Variants in ADCY2 observed in about 807,000 individuals in gnomAD.
The protein encoded by ADCY2 is adenylate cyclase type 2.
ADCY2 carries 31 observed loss-of-function variants against 125.2 expected under a neutral mutation model. The ratio of observed to expected loss-of-function variants is 0.25; its 90% CI spans 0.19 to 0.33. ADCY2 has a LOEUF of 0.33. Among genes scored for constraint, ADCY2 ranks in the 10% least tolerant of loss-of-function variants. ADCY2 has a pLI of 1.00. For synonymous variants in ADCY2, 512 were observed against 548.4 expected (o/e 0.93, Z 0.93); for missense variants, 904 against 1,418.2 (o/e 0.64, Z 5.82).
chr5:7,622,310 G>A (rs1339205179), intron 3 of ADCY2, among the ~76,000 whole-genome samples: 1 of 152,190 alleles, frequency 6.6e-6, no homozygotes, highest in Admixed American at 6.5e-5. Context: ...ATTTGTAAAT[G>A]TGTGTCATTA....
intron 21 of ADCY2, among the ~76,000 whole-genome samples, chr5:7,803,963 T>C (rs185493213): frequency 2.9e-5 from 4 of 139,716 alleles, no homozygotes; most frequent in African/African-American, 9.2e-5. Flanking sequence ...CACACACACA[T>C]GTATATCGTA....
chr5:7,710,070 A>G (rs1211544544), intron 10 of ADCY2, among the ~76,000 whole-genome samples: 4 of 152,246 alleles, frequency 2.6e-5, no homozygotes, highest in Non-Finnish European at 5.9e-5. Flanking sequence ...ATGCAGTTAC[A>G]GCTTTTTAAA....
intron 24 of ADCY2, among the ~76,000 whole-genome samples, chr5:7,823,406 G>A (rs1745363995): frequency 1.3e-5 from 2 of 152,210 alleles, no homozygotes; most frequent in Non-Finnish European, 2.9e-5. Flanking sequence ...GGCTGGAGCT[G>A]TGGTCATCAT....
At chr5:7,822,274 T>G (rs1473731024) in intron 24 of ADCY2, among the ~76,000 whole-genome samples, 1 of 152,232 alleles carries the variant, frequency 6.6e-6, no homozygotes, top group Non-Finnish European at 1.5e-5. Flanking sequence ...AAATTTTGCT[T>G]AAACTGTGGT....
chr5:7,402,006 C>G (rs1036098977), intron 1 of ADCY2, among the ~76,000 whole-genome samples: 2 of 152,198 alleles, frequency 1.3e-5, no homozygotes, highest in Admixed American at 1.3e-4. Context: ...GTTGGGGGTG[C>G]AAGCACTGTG....
intron 14 of ADCY2, among the ~76,000 whole-genome samples, chr5:7,729,419 T>C (rs980983920): frequency 6.6e-6 from 1 of 152,092 alleles, no homozygotes; most frequent in African/African-American, 2.4e-5. Flanking sequence ...ATTTATTCAA[T>C]TTGATATCTT....
intron 2 of ADCY2, among the ~76,000 whole-genome samples, chr5:7,445,117 A>G (rs1446772637): frequency 2.0e-5 from 3 of 152,230 alleles, no homozygotes; most frequent in Non-Finnish European, 4.4e-5. Context: ...AAGTAGATCA[A>G]TCTTATAGTG....
intron 2 of ADCY2, among the ~76,000 whole-genome samples, chr5:7,461,876 T>C (rs373568327): frequency 6.6e-6 from 1 of 152,218 alleles, no homozygotes; most frequent in South Asian, 2.1e-4. Context: ...TCTGTTTAGA[T>C]CTCATATTTA....
At chr5:7,636,935 T>C (rs953531254) in intron 4 of ADCY2, among the ~76,000 whole-genome samples, 1 of 152,198 alleles carries the variant, frequency 6.6e-6, no homozygotes, top group Non-Finnish European at 1.5e-5. Flanking sequence ...TTCTGATGTA[T>C]GTAGCAGAGA....
At chr5:7,527,985 A>G (rs1379915672) in intron 3 of ADCY2, among the ~76,000 whole-genome samples, 1 of 152,172 alleles carries the variant, frequency 6.6e-6, no homozygotes, top group Non-Finnish European at 1.5e-5. Context: ...ATAGGGTATT[A>G]ATTTTTTTCC....
intron 2 of ADCY2, among the ~76,000 whole-genome samples, chr5:7,430,900 G>C (rs554872443): frequency 1.3e-5 from 2 of 152,268 alleles, no homozygotes; most frequent in Admixed American, 6.5e-5. Flanking sequence ...TAACTGGAGA[G>C]AGATTCTGTT....
chr5:7,413,737 A>T (rs996110384), intron 1 of ADCY2, among the ~76,000 whole-genome samples: 7 of 152,326 alleles, frequency 4.6e-5, no homozygotes, highest in Admixed American at 4.6e-4. Flanking sequence ...GTTTTGCAGA[A>T]GCTAAAGCCT....
At chr5:7,740,002 G>T (rs146484643) in intron 14 of ADCY2, among the ~76,000 whole-genome samples, 72 of 151,874 alleles carry the variant, frequency 4.7e-4, no homozygotes, top group African/African-American at 1.6e-3. Flanking sequence ...AGAAAGAATT[G>T]GTCAAATATT....
At chr5:7,777,291 A>T (rs1387654514) in intron 18 of ADCY2, among the ~76,000 whole-genome samples, 1 of 152,160 alleles carries the variant, frequency 6.6e-6, no homozygotes, top group East Asian at 1.9e-4. Context: ...GAGGACTTTA[A>T]CACACTCTTC....
chr5:7,486,370 T>C (rs1742927277), intron 2 of ADCY2, among the ~76,000 whole-genome samples: 1 of 152,250 alleles, frequency 6.6e-6, no homozygotes, highest in African/African-American at 2.4e-5. Flanking sequence ...TTGAGTCTTC[T>C]GGCACATCCC....
intron 3 of ADCY2, among the ~76,000 whole-genome samples, chr5:7,573,305 T>C (rs574134860): frequency 6.6e-6 from 1 of 152,316 alleles, no homozygotes; most frequent in Admixed American, 6.5e-5. Flanking sequence ...CTTTTGAAAT[T>C]AGTGATATAA....
At chr5:7,488,335 C>A (rs1388485640) in intron 2 of ADCY2, among the ~76,000 whole-genome samples, 9 of 152,080 alleles carry the variant, frequency 5.9e-5, no homozygotes, top group African/African-American at 1.4e-4. Flanking sequence ...AGCTGTGAGT[C>A]CATTAAACCT....
At chr5:7,469,711 A>T (rs1482184851) in intron 2 of ADCY2, among the ~76,000 whole-genome samples, 1 of 151,686 alleles carries the variant, frequency 6.6e-6, no homozygotes, top group Non-Finnish European at 1.5e-5. Context: ...TTTATTTTTC[A>T]TGGGTCACAT....
At chr5:7,780,782 G>C (rs1015652599) in intron 18 of ADCY2, among the ~76,000 whole-genome samples, 3 of 149,784 alleles carry the variant, frequency 2.0e-5, no homozygotes, top group East Asian at 1.9e-4. Flanking sequence ...TCATGAAAAT[G>C]TCCTTTTTTA....
Sources: gnomAD v4.1 joint callset for allele counts (sites outside exome capture counted in the v4.1 genomes callset) on GRCh38, gnomAD v4.1.1 for gene constraint, MANE v1.5 for transcripts, NCBI Gene and HGNC (gene_info 2026-07-23, HGNC 2026-07-21) for gene names.